PCMTD1: variants seen among roughly 807,000 people sequenced by gnomAD.
The protein encoded by PCMTD1 is protein-L-isoaspartate O-methyltransferase domain-containing protein 1.
PCMTD1 carries 12 observed loss-of-function variants against 37.6 expected under a neutral mutation model. The ratio of observed to expected loss-of-function variants is 0.32; its 90% CI spans 0.20 to 0.52. The LOEUF is 0.52. Ranked by LOEUF, PCMTD1 falls within the 20% of genes least tolerant of loss-of-function variation. The probability of loss-of-function intolerance (pLI) is 0.97; values close to 1 mark genes in which losing one functional copy is unlikely to be tolerated. For missense variants in PCMTD1, 235 were observed against 421.3 expected (o/e 0.56, Z 3.87); for synonymous variants, 117 against 135.8 (o/e 0.86, Z 0.96).
At chr8:51,871,358 GCCAT>G (rs1324219222) in intron 1 of PCMTD1, among the ~76,000 whole-genome samples, 2 of 152,322 alleles carry the variant, frequency 1.3e-5, no homozygotes, top group East Asian at 3.9e-4. Flanking sequence ...GTTATCTTCT[GCCAT>G]GCTCTGGGCC....
intron 1 of PCMTD1, among the ~76,000 whole-genome samples, chr8:51,892,111 C>A (rs2038944452): frequency 6.6e-6 from 1 of 152,172 alleles, no homozygotes; most frequent in Non-Finnish European, 1.5e-5. Flanking sequence ...TAATTTAAAT[C>A]TTATTTCTGA....
intron 1 of PCMTD1, among the ~76,000 whole-genome samples, chr8:51,880,659 T>C (rs2038778450): frequency 1.3e-5 from 2 of 152,208 alleles, no homozygotes; most frequent in African/African-American, 4.8e-5. Flanking sequence ...ACCTGAATCC[T>C]TACTTTTTTC....
At chr8:51,821,629 A>G (rs1281780025) in intron 5 of PCMTD1, among the ~76,000 whole-genome samples, 4 of 152,252 alleles carry the variant, frequency 2.6e-5, no homozygotes, top group African/African-American at 9.6e-5. Flanking sequence ...TGCAACTTGC[A>G]TAATCAGGGA....
At chr8:51,880,940 G>A (rs764084525) in intron 1 of PCMTD1, among the ~76,000 whole-genome samples, 9 of 152,132 alleles carry the variant, frequency 5.9e-5, no homozygotes, top group Non-Finnish European at 1.3e-4. Flanking sequence ...TCATTTTCAT[G>A]TCATAAAATA....
intron 2 of PCMTD1, 193 bp downstream of exon 2, chr8:51,860,652 T>G: frequency 1.9e-6 from 1 of 524,572 alleles, no homozygotes; most frequent in Non-Finnish European, 3.3e-6. Context: ...AGAGCTACTG[T>G]AGGTTGAGGT....
At chr8:51,852,132 C>T (rs12675786) in intron 2 of PCMTD1, among the ~76,000 whole-genome samples, 17,870 of 152,186 alleles carry the variant, frequency 0.12, 1,287 homozygotes, top group East Asian at 0.17. Flanking sequence ...ATTAACACCA[C>T]ACTTTTATTG....
chr8:51,870,030 G>C (rs1467174184), intron 1 of PCMTD1, among the ~76,000 whole-genome samples: 1 of 152,158 alleles, frequency 6.6e-6, no homozygotes, highest in Non-Finnish European at 1.5e-5. Flanking sequence ...GCAGTTTAAG[G>C]ATGCCTTCTG....
intron 1 of PCMTD1, among the ~76,000 whole-genome samples, chr8:51,894,982 G>A (rs1390044581): frequency 6.6e-6 from 1 of 152,138 alleles, no homozygotes; most frequent in East Asian, 1.9e-4. Flanking sequence ...AGTTGATCAG[G>A]GAGAACAACA....
intron 1 of PCMTD1, among the ~76,000 whole-genome samples, chr8:51,870,553 A>G (rs1382893042): frequency 6.6e-6 from 1 of 152,238 alleles, no homozygotes; most frequent in African/African-American, 2.4e-5. Context: ...TAGTGATAAC[A>G]TATAGCAGCA....
rs1419253638 is a variant in PCMTD1 at position 51,819,255 on chromosome 8, A to G, written c.*1096T>C. ...AGATTACACTATGATTCTGAACAGCATTTTCAAAACAAAGGGTATCTACAT... is the reference window on the plus strand; with the variant it reads ...AGATTACACTATGATTCTGAACAGCGTTTTCAAAACAAAGGGTATCTACAT... On this transcript the variant is annotated 3_prime_UTR_variant, in exon 6 of 6. Coordinates refer to ENST00000522514, the MANE Select transcript of PCMTD1 (RefSeq NM_052937.4). 1 of 152,114 alleles carries G rather than the reference A, an allele frequency of 6.6e-6. No individual in the cohort carries two copies. Among genetic ancestry groups the G allele is most frequent in the Non-Finnish European group, 1.5e-5 (1 of 68,024 alleles). 9.4% of individuals were successfully genotyped at this position (152,114 alleles called of 1,614,324 possible).
At chr8:51,840,253 G>T (rs2038127425) in intron 3 of PCMTD1, among the ~76,000 whole-genome samples, 1 of 152,084 alleles carries the variant, frequency 6.6e-6, no homozygotes, top group East Asian at 1.9e-4. Flanking sequence ...TCATATAAAG[G>T]TGAGCCTTTT....
At chr8:51,828,447 C>G (rs2037953181) in intron 5 of PCMTD1, among the ~76,000 whole-genome samples, 1 of 152,068 alleles carries the variant, frequency 6.6e-6, no homozygotes, top group Non-Finnish European at 1.5e-5. Flanking sequence ...CAGATAGTCC[C>G]TGACTTATAA....
At chr8:51,861,673 C>T (rs1035712228) in intron 1 of PCMTD1, among the ~76,000 whole-genome samples, 1 of 151,892 alleles carries the variant, frequency 6.6e-6, no homozygotes, top group African/African-American at 2.4e-5. Flanking sequence ...CAAAGTGACA[C>T]TGTCAAGACT....
At chr8:51,886,071 G>T (rs185732158) in intron 1 of PCMTD1, among the ~76,000 whole-genome samples, 2 of 152,280 alleles carry the variant, frequency 1.3e-5, no homozygotes, top group East Asian at 1.9e-4. Flanking sequence ...CTCCAAACTG[G>T]TAAGAATCCT....
At chr8:51,860,587 C>A in intron 2 of PCMTD1, 1 of 327,494 alleles carries the variant, frequency 3.1e-6, no homozygotes, top group Non-Finnish European at 5.6e-6. Flanking sequence ...GTTTCCTGCC[C>A]ACCAGCGCTT....
chr8:51,883,092 G>A (rs566965338), intron 1 of PCMTD1, among the ~76,000 whole-genome samples: 2 of 151,954 alleles, frequency 1.3e-5, no homozygotes, highest in Non-Finnish European at 2.9e-5. Flanking sequence ...AGCTGAGATC[G>A]CGCCACTGGA....
chr8:51,832,737 T>C (rs2038014632), intron 4 of PCMTD1, among the ~76,000 whole-genome samples: 1 of 152,360 alleles, frequency 6.6e-6, no homozygotes, highest in East Asian at 1.9e-4. Context: ...ATAATGCTCA[T>C]AAATAGCTGC....
intron 1 of PCMTD1, among the ~76,000 whole-genome samples, chr8:51,897,951 A>G (rs565739933): frequency 6.6e-6 from 1 of 152,220 alleles, no homozygotes; most frequent in African/African-American, 2.4e-5. Context: ...GAAAAAAAAA[A>G]TCCTGAATAA....
chr8:51,823,646 T>G (rs2037879619), intron 5 of PCMTD1, among the ~76,000 whole-genome samples: 1 of 152,170 alleles, frequency 6.6e-6, no homozygotes, highest in Admixed American at 6.5e-5. Flanking sequence ...TAGGAAAACT[T>G]ATTTTAAATT....
Sources: gnomAD v4.1 joint callset for allele counts (sites outside exome capture counted in the v4.1 genomes callset) on GRCh38, gnomAD v4.1.1 for gene constraint, MANE v1.5 for transcripts, NCBI Gene and HGNC (gene_info 2026-07-23, HGNC 2026-07-21) for gene names.